SLIT3: variants seen among roughly 807,000 people sequenced by gnomAD.
SLIT3 encodes slit homolog 3 protein.
A neutral mutation model predicts 184.0 loss-of-function variants in SLIT3; 68 were observed. The ratio of observed to expected loss-of-function variants is 0.37; its 90% CI spans 0.30 to 0.45. The LOEUF (loss-of-function observed/expected upper bound fraction) is 0.45. SLIT3 is among the 20% of genes least tolerant of loss of function. SLIT3 has a pLI of 1.00. For missense variants in SLIT3, 1,707 were observed against 2,026.0 expected, an observed-to-expected ratio of 0.84 and a Z score of 3.02; for synonymous variants, 831 against 828.6, an observed-to-expected ratio of 1.00 and a Z score of -0.05.
At chr5:168,797,785 G>A (rs779144075) in intron 9 of SLIT3, among the ~76,000 whole-genome samples, 1 of 152,150 alleles carries the variant, frequency 6.6e-6, no homozygotes, top group Admixed American at 6.5e-5. Context: ...CCATTTTGCA[G>A]ATGAGGAAAA....
intron 3 of SLIT3, among the ~76,000 whole-genome samples, chr5:169,215,000 C>T (rs1478676128): frequency 1.3e-5 from 2 of 152,162 alleles, no homozygotes; most frequent in Non-Finnish European, 2.9e-5. Context: ...CCTCCAGTCT[C>T]GCTCCTCACC....
chr5:168,779,627 G>A (rs1755897353), intron 12 of SLIT3, among the ~76,000 whole-genome samples: 1 of 152,160 alleles, frequency 6.6e-6, no homozygotes, highest in East Asian at 1.9e-4. Context: ...TGGGAGCTGT[G>A]GCCTTCAGGA....
At chr5:168,716,781 G>T (rs1182282096) in intron 23 of SLIT3, among the ~76,000 whole-genome samples, 2 of 151,510 alleles carry the variant, frequency 1.3e-5, no homozygotes, top group African/African-American at 4.9e-5. Flanking sequence ...ACATAGGCCA[G>T]CTCCCTCCAG....
intron 4 of SLIT3, among the ~76,000 whole-genome samples, chr5:168,981,245 A>AAT (rs1420559715): frequency 1.3e-5 from 2 of 152,166 alleles, no homozygotes; most frequent in Admixed American, 6.5e-5. Flanking sequence ...TTTATTCATT[A>AAT]ATATGCATTT....
chr5:169,214,215 G>T (rs900238270), intron 3 of SLIT3, among the ~76,000 whole-genome samples: 1 of 152,222 alleles, frequency 6.6e-6, no homozygotes, highest in Non-Finnish European at 1.5e-5. Context: ...TCAATATCTG[G>T]TTCCAAGTAA....
At chr5:168,741,280 C>A (rs1479799472) in intron 20 of SLIT3, among the ~76,000 whole-genome samples, 1 of 151,922 alleles carries the variant, frequency 6.6e-6, no homozygotes, top group Non-Finnish European at 1.5e-5. Context: ...ACCATCCTGG[C>A]TAACATGGTG....
chr5:169,017,169 G>A (rs1756415645), intron 4 of SLIT3, among the ~76,000 whole-genome samples: 1 of 152,200 alleles, frequency 6.6e-6, no homozygotes, highest in Admixed American at 6.5e-5. Flanking sequence ...CTTTGCCCTG[G>A]AAAGAGGTCA....
intron 23 of SLIT3, among the ~76,000 whole-genome samples, chr5:168,714,551 C>T (rs1415062806): frequency 6.6e-6 from 1 of 152,096 alleles, no homozygotes; most frequent in Non-Finnish European, 1.5e-5. Flanking sequence ...CCATTGTACT[C>T]CAGCCTGGGC....
At chr5:169,130,484 T>C (rs1761253847) in intron 4 of SLIT3, among the ~76,000 whole-genome samples, 1 of 152,194 alleles carries the variant, frequency 6.6e-6, no homozygotes, top group South Asian at 2.1e-4. Context: ...CATTTCCTCA[T>C]ATGTAAAAAT....
intron 4 of SLIT3, among the ~76,000 whole-genome samples, chr5:169,130,930 C>T (rs1286207164): frequency 1.3e-5 from 2 of 151,954 alleles, no homozygotes; most frequent in Admixed American, 1.3e-4. Flanking sequence ...CAAAATGTTG[C>T]AATATGTGCC....
intron 4 of SLIT3, among the ~76,000 whole-genome samples, chr5:169,159,054 G>A (rs150472507): frequency 0.02 from 3,075 of 150,696 alleles, 55 homozygotes; most frequent in Non-Finnish European, 0.033. Context: ...AGGCTGAGGC[G>A]GGCAGATCAC....
intron 4 of SLIT3, among the ~76,000 whole-genome samples, chr5:168,955,766 G>A (rs1050853727): frequency 1.3e-5 from 2 of 152,238 alleles, no homozygotes; most frequent in East Asian, 1.9e-4. Context: ...GCCAAGGAGG[G>A]AGATGAGGCC....
intron 5 of SLIT3, among the ~76,000 whole-genome samples, chr5:168,863,750 T>C: frequency 6.6e-6 from 1 of 152,192 alleles, no homozygotes; most frequent in Admixed American, 6.5e-5. Flanking sequence ...CATAAAATTG[T>C]TTTATGTTAC....
At chr5:169,057,993 C>A (rs1286557943) in intron 4 of SLIT3, among the ~76,000 whole-genome samples, 3 of 152,050 alleles carry the variant, frequency 2.0e-5, no homozygotes, top group Non-Finnish European at 4.4e-5. Flanking sequence ...ACCCAGGGAC[C>A]CTGGTTGCTT....
intron 4 of SLIT3, among the ~76,000 whole-genome samples, chr5:169,172,580 G>A (rs1762849789): frequency 6.6e-6 from 1 of 152,116 alleles, no homozygotes; most frequent in Non-Finnish European, 1.5e-5. Flanking sequence ...TCCTTTTGTT[G>A]CTGAACACCC....
At chr5:168,883,571 G>A (rs541971827) in intron 4 of SLIT3, among the ~76,000 whole-genome samples, 9 of 152,240 alleles carry the variant, frequency 5.9e-5, no homozygotes, top group East Asian at 1.9e-4. Flanking sequence ...CAGGCTCTGT[G>A]GGTGGTCTCG....
chr5:168,910,573 C>T (rs1761219540), intron 4 of SLIT3, among the ~76,000 whole-genome samples: 2 of 151,904 alleles, frequency 1.3e-5, no homozygotes, highest in African/African-American at 4.8e-5. Flanking sequence ...GAAACCCTGT[C>T]TCTACTAAAA....
chr5:168,894,447 T>C (rs1760586159), intron 4 of SLIT3, among the ~76,000 whole-genome samples: 1 of 152,174 alleles, frequency 6.6e-6, no homozygotes, highest in African/African-American at 2.4e-5. Flanking sequence ...ATGGGAATCT[T>C]TTTTTCCCCC....
Position 168,789,590 on chromosome 5 carries a change from G to A in SLIT3, c.1049C>T (p.Ala350Val). Residue 350 changes from alanine to valine, a missense_variant, in exon 11 of 36, where the codon GCC (alanine) becomes GTC (valine). Physicochemically the swap from Ala to Val is moderately conservative, Grantham distance 64 (BLOSUM62 0). Coordinates refer to ENST00000519560, the MANE Select transcript of SLIT3 (RefSeq NM_003062.4). ...TGTGAGTGATTTCAGGCCCTGGAAG[G>A]CATCTGGAGCAATATCCGATATCTG... ...KNQISDIAPDAFQGLKSLTSL... is the reference protein window; with the variant it reads ...KNQISDIAPDVFQGLKSLTSL... The A allele has an allele frequency of 6.2e-7, 1 of 1,613,696 alleles. No homozygotes were observed. The highest frequency in any genetic ancestry group is 2.2e-5 in the East Asian group (1 of 44,858).
Sources: allele counts gnomAD v4.1 joint callset (sites outside exome capture counted in the v4.1 genomes callset), GRCh38; gene constraint gnomAD v4.1.1; transcripts MANE v1.5; gene names NCBI Gene and HGNC (gene_info 2026-07-23, HGNC 2026-07-21).